Variants in PRDM15 observed in about 807,000 individuals in gnomAD.
The protein encoded by PRDM15 is PR/SET domain 15, also known as PR domain zinc finger protein 15.
A neutral mutation model predicts 128.6 loss-of-function variants in PRDM15; 64 were observed. The observed-to-expected ratio is 0.50, with a 90% confidence interval of 0.41 to 0.61. PRDM15 has a LOEUF of 0.61. Ranked by LOEUF, PRDM15 falls within the 20% of genes least tolerant of loss-of-function variation. The pLI is 0.00. For synonymous variants in PRDM15, 615 were observed against 621.8 expected (o/e 0.99, Z 0.16); for missense variants, 1,242 against 1,569.1 (o/e 0.79, Z 3.52).
chr21:41,835,564 C>A, intron 10 of PRDM15, 40 bp from the exon 11 acceptor site: 1 of 1,541,246 alleles, frequency 6.5e-7, no homozygotes, highest in South Asian at 1.1e-5. Context: ...TGGCCCAGCG[C>A]AGAGTCCACA....
At chr21:41,819,548 G>A (rs753082576) in intron 18 of PRDM15, 34 bp downstream of exon 18, 1 of 1,599,824 alleles carries the variant, frequency 6.3e-7, no homozygotes, top group Non-Finnish European at 8.5e-7. Context: ...TGGCCTGGCT[G>A]AGCCTGGCCC....
chr21:41,874,565 A>G (rs2064342964), intron 1 of PRDM15, among the ~76,000 whole-genome samples: 1 of 139,106 alleles, frequency 7.2e-6, no homozygotes, highest in African/African-American at 2.7e-5. Context: ...GCCAGAGGCC[A>G]GAGGGTTACG....
intron 5 of PRDM15, among the ~76,000 whole-genome samples, chr21:41,851,127 G>GC (rs11461383): frequency 0.79 from 119,828 of 151,934 alleles, 47,266 homozygotes; most frequent in African/African-American, 0.82. Flanking sequence ...GTACAACAAT[G>GC]CACAAAAGGC....
rs1251644323 is a variant in PRDM15, at chr21:41,821,722, C to G, written c.1896+181G>C. On this transcript the variant is annotated intron_variant, in intron 15 of 23. Coordinates refer to ENST00000398548, the MANE Select transcript of PRDM15 (RefSeq NM_001040424.3). This position sits in a 1 kb window ranked among gnomAD's most constrained non-coding sequence, Gnocchi z 5.4. ...GAGCACCAAGGTGACACAGGCTGGC[C>G]TTCCCAGGCACAAGTGATGGACAGG... 6.6e-6 allele frequency among the ~76,000 whole-genome samples: 1 copy of G among 152,232 alleles called. No individual in the cohort carries two copies. The highest frequency in any genetic ancestry group is 1.5e-5 in the Non-Finnish European group (1 of 68,038).
In PRDM15 at chr21:41,801,420, C is replaced by A. The variant is rs116436673; in HGVS notation, c.3246G>T (p.Thr1082=). The change falls in exon 24 of 24, where the codon ACG becomes ACT. Residue 1082 remains threonine, a synonymous_variant. Transcript: ENST00000398548. ...GGGGCGTGATGGAGTTGACCAGGGT[C>A]GTCAGGTTGATGAAATGGGCCACAG... ...PQSVAHFINL[T]TLVNSITPLG... The A allele has an allele frequency of 6.2e-7, 1 of 1,613,876 alleles. No individual in the cohort carries two copies. The highest frequency in any genetic ancestry group is 1.3e-5 in the African/African-American group (1 of 74,856).
chr21:41,808,608 C>CTCTTGA (rs1747708508), intron 21 of PRDM15, among the ~76,000 whole-genome samples: 1 of 152,248 alleles, frequency 6.6e-6, no homozygotes, highest in Non-Finnish European at 1.5e-5. Flanking sequence ...CCCATCACTT[C>CTCTTGA]AAGAACAAGA....
intron 22 of PRDM15, chr21:41,803,226 G>A (rs1400446464): frequency 7.4e-6 from 3 of 407,106 alleles, no homozygotes; most frequent in African/African-American, 6.0e-5. Context: ...TATTTCCAAA[G>A]GGAAATGTTT....
chr21:41,875,285 C>G (rs2064371449), intron 1 of PRDM15, among the ~76,000 whole-genome samples: 2 of 152,290 alleles, frequency 1.3e-5, no homozygotes, highest in Non-Finnish European at 2.9e-5. Context: ...TTACCTGCCA[C>G]CCCCAACTCC....
chr21:41,809,841 A>G (rs1338007587), intron 21 of PRDM15, among the ~76,000 whole-genome samples: 2 of 152,030 alleles, frequency 1.3e-5, no homozygotes, highest in African/African-American at 2.4e-5. Context: ...TGGAGCCCCC[A>G]TTTTGCACAT....
At position 41,827,622 on chromosome 21, in the gene PRDM15, G is replaced by A. The variant is rs113779858; in HGVS notation, c.1534+544C>T. 1.8e-3 allele frequency among the ~76,000 whole-genome samples: 267 copies of A among 152,264 alleles called. 1 individual carries two copies. Among genetic ancestry groups the A allele is most frequent in the African/African-American group, 6.1e-3 (252 of 41,544 alleles). ...CTCTCAAAGTGCTGGGATTCCAGGC[G>A]TGAGCCACCATGCCCAGGAGGGTTC... On this transcript the variant is annotated intron_variant, in intron 12 of 23. Coordinates refer to ENST00000398548, the MANE Select transcript of PRDM15 (RefSeq NM_001040424.3).
intron 1 of PRDM15, among the ~76,000 whole-genome samples, chr21:41,865,624 C>T (rs547850022): frequency 6.6e-6 from 1 of 152,224 alleles, no homozygotes; most frequent in South Asian, 2.1e-4. Context: ...CTCCCTGACA[C>T]CTTGCTCCCT....
At position 41,828,351 on chromosome 21, in the gene PRDM15, A is replaced by G; in HGVS notation, c.1367-18T>C. 6.2e-7 allele frequency: 1 copy of G among 1,613,220 alleles called. No homozygotes were observed. Among genetic ancestry groups the G allele is most frequent in the Non-Finnish European group, 8.5e-7 (1 of 1,179,326 alleles). The stretch of plus-strand genomic sequence containing the variant: ...CTTGTCATCTGTCCAGAGAGCAAAC[A>G]AACACACAACGATTTTGAGGTAAAT... On this transcript the variant is annotated intron_variant, in intron 11 of 23. Transcript: ENST00000398548. The surrounding 1 kb of genome is among the most constrained non-coding windows in gnomAD (Gnocchi z 5.7).
At position 41,836,197 on chromosome 21, in the gene PRDM15, C is replaced by T. The variant is rs1241369308; in HGVS notation, c.1194G>A (p.Leu398=). ...ATTTTGCACACTCTTCGCACTTAAA[C>T]AGCTTGTCACCTGAGGAACCAACCA... ...SRHVRSHGDK[L]FKCEECAKLF... is the part of the protein sequence containing the mutation. Residue 398 remains leucine (L), a synonymous_variant, in exon 10 of 24, where the codon CTG becomes CTA. Transcript: ENST00000398548. 1 of 1,613,918 alleles carries T rather than the reference C, an allele frequency of 6.2e-7. No individual in the cohort carries two copies. The highest frequency in any genetic ancestry group is 8.5e-7 in the Non-Finnish European group (1 of 1,179,954).
In PRDM15 at chr21:41,879,239, C is replaced by A; in HGVS notation, c.-10+31G>T. On this transcript the variant is annotated intron_variant, in intron 1 of 23. Coordinates refer to ENST00000398548, the MANE Select transcript of PRDM15 (RefSeq NM_001040424.3). This position sits in a 1 kb window ranked among gnomAD's most constrained non-coding sequence, Gnocchi z 5.1. ...GGGGCCGGCGGGGCGCACGCCGGGG[C>A]GGGCGGCGGGCGCAGGGCCCGGAGC... 1 of 860,176 alleles carries A rather than the reference C, an allele frequency of 1.2e-6. No homozygotes were observed. Among genetic ancestry groups the A allele is most frequent in the Non-Finnish European group, 1.4e-6 (1 of 715,422 alleles). The allele number at this position is 860,176 out of a possible 1,614,324, so 53.3% of individuals were successfully genotyped here. A position where few individuals can be genotyped will look rare whatever the true frequency, so the allele number is the denominator to read the frequency against.
intron 5 of PRDM15, among the ~76,000 whole-genome samples, chr21:41,850,986 C>T (rs561378141): frequency 6.6e-6 from 1 of 152,296 alleles, no homozygotes; most frequent in African/African-American, 2.4e-5. Context: ...CCAGGAAAGA[C>T]TCGGCCACCA....
intron 11 of PRDM15, chr21:41,834,419 G>A (rs1568949582): frequency 1.6e-6 from 2 of 1,247,146 alleles, no homozygotes; most frequent in African/African-American, 1.5e-5. Context: ...ACAGGGGCGG[G>A]TGGCACCTTA....
chr21:41,843,876 G>A (rs987648160), intron 6 of PRDM15, among the ~76,000 whole-genome samples: 1 of 150,240 alleles, frequency 6.7e-6, no homozygotes, highest in Non-Finnish European at 1.5e-5. Flanking sequence ...TTGAGCCCAT[G>A]AGTTTGAGGC....
At chr21:41,835,623 G>C in intron 10 of PRDM15, 99 bp from the exon 11 acceptor site, 1 of 864,588 alleles carries the variant, frequency 1.2e-6, no homozygotes, top group Non-Finnish European at 1.9e-6. Context: ...GCCTGTGTCT[G>C]TTATGACTCT....
intron 3 of PRDM15, 133 bp from the exon 4 acceptor site, chr21:41,857,462 A>G: frequency 1.0e-6 from 1 of 963,506 alleles, no homozygotes; most frequent in Non-Finnish European, 1.5e-6. Flanking sequence ...GTGATAAAAT[A>G]GAAGCCTTCC....
Sources: gnomAD v4.1 joint callset for allele counts (sites outside exome capture counted in the v4.1 genomes callset) on GRCh38, gnomAD v4.1.1 for gene constraint, Gnocchi (gnomAD v3.1) non-coding constraint, MANE v1.5 for transcripts, NCBI Gene and HGNC (gene_info 2026-07-23, HGNC 2026-07-21) for gene names.